ICA1L: variants seen among roughly 807,000 people sequenced by gnomAD.
The protein encoded by ICA1L is islet cell autoantigen 1-like protein.
Under a neutral mutation model 61.3 loss-of-function variants are expected in ICA1L, and 50 were observed. The observed-to-expected ratio is 0.82, with a 90% confidence interval of 0.65 to 1.03. The LOEUF (loss-of-function observed/expected upper bound fraction) is 1.03, where lower values mean the gene tolerates loss of function less well. Among genes scored for constraint, ICA1L ranks in the 50% least tolerant of loss-of-function variants. The pLI is 0.00. For missense variants in ICA1L, 508 were observed against 556.7 expected (o/e 0.91, Z 0.88); for synonymous variants, 161 against 191.3 (o/e 0.84, Z 1.31).
intron 9 of ICA1L, among the ~76,000 whole-genome samples, chr2:202,803,725 A>T (rs1693152932): frequency 6.6e-6 from 1 of 151,980 alleles, no homozygotes. Context: ...ACGGGGTTTC[A>T]CCATGTTGCC....
chr2:202,795,582 CG>C (rs1692900743), intron 10 of ICA1L, among the ~76,000 whole-genome samples: 1 of 150,206 alleles, frequency 6.7e-6, no homozygotes, highest in African/African-American at 2.5e-5. Flanking sequence ...GCAATGAGGG[CG>C]AAACTCCATC....
chr2:202,867,611 A>T (rs1033387895), intron 1 of ICA1L, among the ~76,000 whole-genome samples: 3 of 152,350 alleles, frequency 2.0e-5, no homozygotes, highest in East Asian at 1.9e-4. Context: ...ACTAATGGCC[A>T]TTAAGCACAT....
chr2:202,806,615 C>T (rs565557968), intron 9 of ICA1L, among the ~76,000 whole-genome samples: 8 of 149,894 alleles, frequency 5.3e-5, no homozygotes, highest in Non-Finnish European at 8.9e-5. Flanking sequence ...CACTGCACTC[C>T]GACGTGGCTG....
At chr2:202,845,433 C>G (rs1380406164) in intron 1 of ICA1L, among the ~76,000 whole-genome samples, 1 of 152,006 alleles carries the variant, frequency 6.6e-6, no homozygotes, top group African/African-American at 2.4e-5. Flanking sequence ...TCAAGACCAG[C>G]CTGGCAAACA....
At chr2:202,824,406 A>G (rs1693779023) in intron 3 of ICA1L, among the ~76,000 whole-genome samples, 1 of 152,110 alleles carries the variant, frequency 6.6e-6, no homozygotes, top group Non-Finnish European at 1.5e-5. Context: ...CCTCAAAAAA[A>G]AAAAATTCTG....
chr2:202,782,780 C>T (rs1468559627), intron 12 of ICA1L, among the ~76,000 whole-genome samples: 1 of 151,862 alleles, frequency 6.6e-6, no homozygotes. Context: ...AATTTTTCCT[C>T]GAAAATCAGC....
intron 11 of ICA1L, 103 bp from the exon 12 acceptor site, chr2:202,786,110 C>T: frequency 1.5e-6 from 1 of 677,176 alleles, no homozygotes; most frequent in Non-Finnish European, 2.6e-6. Flanking sequence ...GTCTTTGTAT[C>T]TGGGTAAGAT....
rs1692132598 is a variant in ICA1L, at chr2:202,773,898, G to A, written c.*5635C>T. On this transcript the variant is annotated 3_prime_UTR_variant, in exon 13 of 13. Coordinates refer to ENST00000358299, the MANE Select transcript of ICA1L (RefSeq NM_001288622.3). ...GAACAGTCCTGCTAAATAAACCAGT[G>A]GAATAAGAACAGTCAACGTAGAAAG... 8.0e-7 allele frequency: 1 copy of A among 1,255,706 alleles called. No homozygotes were observed. Among genetic ancestry groups the A allele is most frequent in the Non-Finnish European group, 1.2e-6 (1 of 860,690 alleles). 77.8% of individuals were successfully genotyped at this position (1,255,706 alleles called of 1,614,324 possible).
Position 202,777,255 on chromosome 2 carries a change from G to C in ICA1L, c.*2278C>G, listed in dbSNP as rs1387327784. Reference sequence around the variant, plus strand: ...TTTAGTAGAGACAGGGTTTCACCATGTTGGCCAGGCTGGTCTCGAACTCAT... The same window carrying C: ...TTTAGTAGAGACAGGGTTTCACCATCTTGGCCAGGCTGGTCTCGAACTCAT... On this transcript the variant is annotated 3_prime_UTR_variant, in exon 13 of 13. Coordinates refer to ENST00000358299, the MANE Select transcript of ICA1L (RefSeq NM_001288622.3). 6.6e-6 allele frequency: 1 copy of C among 152,058 alleles called. No individual in the cohort carries two copies. The allele number at this position is 152,058 out of a possible 1,614,324, so 9.4% of individuals were successfully genotyped here.
At chr2:202,785,657 C>G (rs1218018528) in intron 12 of ICA1L, among the ~76,000 whole-genome samples, 1 of 152,124 alleles carries the variant, frequency 6.6e-6, no homozygotes, top group African/African-American at 2.4e-5. Flanking sequence ...CAACTCCTAA[C>G]CTTGGGCAGT....
chr2:202,858,644 A>G (rs1694828673), intron 1 of ICA1L, among the ~76,000 whole-genome samples: 1 of 152,238 alleles, frequency 6.6e-6, no homozygotes, highest in Non-Finnish European at 1.5e-5. Context: ...AAAGTTAAAA[A>G]AGAAACCTGT....
chr2:202,869,465 C>T (rs1687631538), intron 1 of ICA1L: 1 of 152,012 alleles, frequency 6.6e-6, no homozygotes, highest in African/African-American at 2.4e-5. Flanking sequence ...AAAACACATG[C>T]AATAATAGAC....
intron 12 of ICA1L, among the ~76,000 whole-genome samples, chr2:202,782,175 G>A (rs968423955): frequency 1.6e-4 from 25 of 151,864 alleles, no homozygotes; most frequent in Admixed American, 9.2e-4. Flanking sequence ...GTGAAAACCC[G>A]TCCCTACCAA....
At chr2:202,803,980 TAA>T (rs932456868) in intron 9 of ICA1L, among the ~76,000 whole-genome samples, 3 of 152,208 alleles carry the variant, frequency 2.0e-5, no homozygotes, top group African/African-American at 7.2e-5. Flanking sequence ...AAATAAATCA[TAA>T]GTGTTAAAAA....
chr2:202,817,560 A>G lies in ICA1L; in HGVS notation c.559-17T>C, dbSNP rs1257918314. 3 of 1,528,790 alleles carry G rather than the reference A, an allele frequency of 2.0e-6. No homozygotes were observed. The African/African-American group carries it at 4.1e-5, about 21-fold the overall frequency. 94.7% of individuals were successfully genotyped at this position (1,528,790 alleles called of 1,614,324 possible). On this transcript the variant is annotated splice_polypyrimidine_tract_variant and intron_variant, in intron 5 of 12. Coordinates refer to ENST00000358299, the MANE Select transcript of ICA1L (RefSeq NM_001288622.3). ...CATCTGTACCTGCAATAAAAATGCT[A>G]ATTTTTATTACAGATATATACTATA...
In ICA1L at chr2:202,786,099, A is replaced by G. The variant is rs879235338; in HGVS notation, c.1244-92T>C. 30 of 716,708 alleles carry G rather than the reference A, an allele frequency of 4.2e-5. No homozygotes were observed. The Middle Eastern group carries it at 1.0e-3, about 24-fold the overall frequency. 44.4% of individuals were successfully genotyped at this position (716,708 alleles called of 1,614,324 possible). A position where few individuals can be genotyped will look rare whatever the true frequency, so the allele number is the denominator to read the frequency against. ...AAAGGTAAAAATATCTAAGTCCTCC[A>G]GTCTTTGTATCTGGGTAAGATTCTA... On this transcript the variant is annotated intron_variant, in intron 11 of 12. Coordinates refer to ENST00000358299, the MANE Select transcript of ICA1L (RefSeq NM_001288622.3).
intron 1 of ICA1L, among the ~76,000 whole-genome samples, chr2:202,844,037 T>C (rs1694405332): frequency 6.6e-6 from 1 of 152,236 alleles, no homozygotes; most frequent in Non-Finnish European, 1.5e-5. Context: ...ATTGTATCAA[T>C]ATACCAGTGT....
At chr2:202,850,789 C>T (rs13429100) in intron 1 of ICA1L, among the ~76,000 whole-genome samples, 133,556 of 152,052 alleles carry the variant, frequency 0.88, 59,547 homozygotes, top group Non-Finnish European at 0.95. Context: ...ATACAGAGAA[C>T]ACCACTTAAG....
At chr2:202,822,171 T>C (rs557856788) in intron 3 of ICA1L, among the ~76,000 whole-genome samples, 7 of 152,320 alleles carry the variant, frequency 4.6e-5, no homozygotes, top group African/African-American at 1.7e-4. Flanking sequence ...CTAAAAGTTA[T>C]TTTTTTAAAA....
Sources: gnomAD v4.1 joint callset for allele counts (sites outside exome capture counted in the v4.1 genomes callset) on GRCh38, gnomAD v4.1.1 for gene constraint, MANE v1.5 for transcripts, NCBI Gene and HGNC (gene_info 2026-07-23, HGNC 2026-07-21) for gene names.